Variants in SPICE1 observed in about 807,000 individuals in gnomAD.
The protein encoded by SPICE1 is spindle and centriole-associated protein 1.
SPICE1 carries 75 observed loss-of-function variants against 102.7 expected under a neutral mutation model. That is an observed-to-expected ratio of 0.73 (90% CI 0.61 to 0.88). The LOEUF (loss-of-function observed/expected upper bound fraction) is 0.88. Among genes scored for constraint, SPICE1 ranks in the 40% least tolerant of loss-of-function variants. SPICE1 has a pLI of 0.00. For synonymous variants in SPICE1, 308 were observed against 350.3 expected, an observed-to-expected ratio of 0.88 and a Z score of 1.35; for missense variants, 979 against 1,020.1, an observed-to-expected ratio of 0.96 and a Z score of 0.55.
chr3:113,508,603 C>T (rs920465647), intron 1 of SPICE1, among the ~76,000 whole-genome samples: 1 of 152,080 alleles, frequency 6.6e-6, no homozygotes, highest in Non-Finnish European at 1.5e-5. Flanking sequence ...AAAAGACGGA[C>T]AACAACAAGC....
At chr3:113,479,075 T>C (rs573295732) in intron 7 of SPICE1, among the ~76,000 whole-genome samples, 9 of 151,196 alleles carry the variant, frequency 6.0e-5, no homozygotes, top group South Asian at 4.2e-4. Context: ...GCTGCACCCA[T>C]TAACTCGTCA....
At chr3:113,488,205 A>AT (rs1427923166) in intron 7 of SPICE1, among the ~76,000 whole-genome samples, 1 of 152,198 alleles carries the variant, frequency 6.6e-6, no homozygotes, top group Admixed American at 6.5e-5. Context: ...TTGTACTGTG[A>AT]TTTTATCTGA....
At position 113,445,036 on chromosome 3, in the gene SPICE1, C is replaced by A. The variant is rs994568948; in HGVS notation, c.*271G>T. ...GGTAAAAATGTATTAATAAAAAAAACCCTTAAAATACTTAAGAAAGTATTA... is the reference window on the plus strand; with the variant it reads ...GGTAAAAATGTATTAATAAAAAAAAACCTTAAAATACTTAAGAAAGTATTA... On this transcript the variant is annotated 3_prime_UTR_variant, in exon 18 of 18. Coordinates refer to ENST00000295872, the MANE Select transcript of SPICE1 (RefSeq NM_144718.4). 2.0e-5 allele frequency: 5 copies of A among 253,164 alleles called. No homozygotes were observed. The highest frequency in any genetic ancestry group is 3.7e-5 in the Non-Finnish European group (5 of 135,396). The allele number at this position is 253,164 out of a possible 1,614,324, so 15.7% of individuals were successfully genotyped here. A position where few individuals can be genotyped will look rare whatever the true frequency, so the allele number is the denominator to read the frequency against.
intron 4 of SPICE1, 115 bp from the exon 5 acceptor site, chr3:113,494,257 T>A (rs1382562792): frequency 4.7e-6 from 3 of 636,280 alleles, no homozygotes; most frequent in Non-Finnish European, 7.8e-6. Flanking sequence ...GCTACCTTCC[T>A]AAAAACCTTC....
intron 8 of SPICE1, 82 bp from the exon 9 acceptor site, chr3:113,468,981 T>G (rs1936129770): frequency 6.4e-7 from 1 of 1,564,118 alleles, no homozygotes; most frequent in Non-Finnish European, 8.7e-7. Flanking sequence ...TCCATCAGTA[T>G]TTTAGTCAAT....
chr3:113,498,670 T>C (rs986513703), intron 4 of SPICE1, among the ~76,000 whole-genome samples: 3 of 152,198 alleles, frequency 2.0e-5, no homozygotes, highest in African/African-American at 4.8e-5. Context: ...CCTAACAAAT[T>C]CCTCAAAAGA....
At chr3:113,473,093 G>A (rs1298073591) in intron 7 of SPICE1, among the ~76,000 whole-genome samples, 2 of 152,166 alleles carry the variant, frequency 1.3e-5, no homozygotes, top group African/African-American at 4.8e-5. Context: ...GTGCTTAAAG[G>A]AGCTGATGGA....
intron 12 of SPICE1, chr3:113,460,158 C>T (rs756589041): frequency 1.9e-4 from 191 of 985,264 alleles, no homozygotes; most frequent in Non-Finnish European, 2.3e-4. Flanking sequence ...ACAACACTAT[C>T]ACACATGAAC....
At chr3:113,453,348 C>T (rs1306698104) in intron 14 of SPICE1, 118 bp downstream of exon 14, 3 of 1,259,950 alleles carry the variant, frequency 2.4e-6, no homozygotes, top group Non-Finnish European at 3.3e-6. Flanking sequence ...CAAACATAAG[C>T]CATCTAGCCT....
chr3:113,491,273 C>T (rs542143409), intron 6 of SPICE1, among the ~76,000 whole-genome samples: 1 of 151,272 alleles, frequency 6.6e-6, no homozygotes, highest in African/African-American at 2.4e-5. Flanking sequence ...GAAACTAGGA[C>T]CCAGAGAACT....
chr3:113,459,860 T>C, intron 12 of SPICE1: 1 of 978,392 alleles, frequency 1.0e-6, no homozygotes, highest in East Asian at 1.2e-4. Flanking sequence ...CCAGCCTGGG[T>C]GACAGAGCGA....
intron 7 of SPICE1, among the ~76,000 whole-genome samples, chr3:113,486,238 C>T (rs1936645566): frequency 7.4e-6 from 1 of 135,150 alleles, no homozygotes; most frequent in African/African-American, 3.0e-5. Context: ...TATATGCCCA[C>T]AAGAGAAAGC....
chr3:113,478,839 TA>T (rs1018710744), intron 7 of SPICE1, among the ~76,000 whole-genome samples: 1 of 152,088 alleles, frequency 6.6e-6, no homozygotes, highest in African/African-American at 2.4e-5. Flanking sequence ...AATTTGATCA[TA>T]TATTAGGTCA....
intron 10 of SPICE1, 38 bp from the exon 11 acceptor site, chr3:113,465,822 T>C (rs1284197939): frequency 1.7e-5 from 27 of 1,596,182 alleles, no homozygotes; most frequent in Non-Finnish European, 2.3e-5. Context: ...ACCAATAGCA[T>C]CACATGTTGA....
intron 4 of SPICE1, among the ~76,000 whole-genome samples, chr3:113,497,173 C>T (rs1186067243): frequency 2.0e-5 from 3 of 152,152 alleles, no homozygotes; most frequent in Non-Finnish European, 4.4e-5. Context: ...CTTCCTGTTT[C>T]CTGCTGGCTG....
intron 7 of SPICE1, among the ~76,000 whole-genome samples, chr3:113,479,902 T>A (rs1311617916): frequency 6.6e-6 from 1 of 151,624 alleles, no homozygotes; most frequent in Non-Finnish European, 1.5e-5. Flanking sequence ...AAAGCAAAAA[T>A]TGATGAGGAA....
chr3:113,455,043 T>C (rs1935750139), intron 13 of SPICE1, among the ~76,000 whole-genome samples: 1 of 152,198 alleles, frequency 6.6e-6, no homozygotes, highest in African/African-American at 2.4e-5. Context: ...ATAATCCTCC[T>C]CATTTCCCCT....
chr3:113,455,348 G>A (rs1935756091), intron 13 of SPICE1, among the ~76,000 whole-genome samples: 1 of 152,176 alleles, frequency 6.6e-6, no homozygotes, highest in African/African-American at 2.4e-5. Flanking sequence ...TCAATAGCTA[G>A]AGGAAAATAT....
In SPICE1 at chr3:113,499,441, C is replaced by T. The variant is rs926448865; in HGVS notation, c.289G>A (p.Glu97Lys). Residue 97 changes from glutamate (E) to lysine (K), a missense_variant and splice_region_variant, in exon 4 of 18, where the codon GAG becomes AAG. Transcript: ENST00000295872. ...LEKRRLSIMK[E>K]ILSDQYQMQD... is the part of the protein sequence containing the mutation. ...ACTCTAATGCAGTTTAGCATTACCT[C>T]CTTCATGATAGACAATCTTCTTTTC... 2 of 1,611,836 alleles carry T rather than the reference C, an allele frequency of 1.2e-6. No homozygotes were observed. The highest frequency in any genetic ancestry group is 3.3e-5 in the Admixed American group (2 of 59,750).
Sources: gnomAD v4.1 joint callset for allele counts (sites outside exome capture counted in the v4.1 genomes callset) on GRCh38, gnomAD v4.1.1 for gene constraint, MANE v1.5 for transcripts, NCBI Gene and HGNC (gene_info 2026-07-23, HGNC 2026-07-21) for gene names.